Variants in WWC1 observed in about 807,000 individuals in gnomAD.
The protein encoded by WWC1 is WW and C2 domain containing 1, also known as protein KIBRA.
WWC1 carries 55 observed loss-of-function variants against 138.4 expected under a neutral mutation model. That is an observed-to-expected ratio of 0.40 (90% CI 0.32 to 0.50). The LOEUF (loss-of-function observed/expected upper bound fraction) is 0.50. Ranked by LOEUF, WWC1 falls within the 20% of genes least tolerant of loss-of-function variation. The pLI is 0.72. For missense variants in WWC1, 1,226 were observed against 1,420.4 expected (o/e 0.86, Z 2.20); for synonymous variants, 524 against 564.9 (o/e 0.93, Z 1.03).
chr5:168,334,547 C>T (rs1773299637), intron 1 of WWC1, among the ~76,000 whole-genome samples: 1 of 152,020 alleles, frequency 6.6e-6, no homozygotes, highest in Non-Finnish European at 1.5e-5. Context: ...TCAGACCCTC[C>T]CCCCTCCACC....
chr5:168,365,347 T>G (rs1375536999), intron 1 of WWC1, among the ~76,000 whole-genome samples: 9 of 152,194 alleles, frequency 5.9e-5, no homozygotes, highest in Admixed American at 5.2e-4. Context: ...CAGCCAGCCC[T>G]CAGAGAGAGC....
At chr5:168,444,622 T>C in intron 17 of WWC1, 37 bp downstream of exon 17, 1 of 1,606,930 alleles carries the variant, frequency 6.2e-7, no homozygotes, top group Non-Finnish European at 8.5e-7. Flanking sequence ...GGAGCTGCCC[T>C]GCCTGGACCT....
intron 21 of WWC1, among the ~76,000 whole-genome samples, chr5:168,467,533 T>C (rs866566189): frequency 3.3e-5 from 5 of 152,240 alleles, no homozygotes; most frequent in South Asian, 2.1e-4. Context: ...CTGGGTAAAA[T>C]AGAGGTAATA....
chr5:168,460,720 G>A lies in WWC1; in HGVS notation c.2894G>A (p.Arg965Gln). The change falls in exon 20 of 23, where the codon CGA becomes CAA. Residue 965 changes from arginine to glutamine, a missense_variant. Arg to Gln is a conservative substitution (Grantham distance 43). This residue lies in a region of WWC1 where 206 missense variants were observed against 247.4 expected (regional missense o/e 0.83). Coordinates refer to ENST00000265293, the MANE Select transcript of WWC1 (RefSeq NM_015238.3). ...KPPFVRNSLE[R>Q]RSVRMKRPSS... Reference sequence around the variant, plus strand: ...CCTTTTGTTCGAAACTCCCTGGAGCGACGCAGCGTCCGGATGAAGCGGGTA... The same window carrying A: ...CCTTTTGTTCGAAACTCCCTGGAGCAACGCAGCGTCCGGATGAAGCGGGTA... 2 of 1,614,142 alleles carry A rather than the reference G, an allele frequency of 1.2e-6. No individual in the cohort carries two copies. Among genetic ancestry groups the A allele is most frequent in the Non-Finnish European group, 1.7e-6 (2 of 1,180,034 alleles).
chr5:168,440,877 T>C (rs994836374), intron 15 of WWC1, among the ~76,000 whole-genome samples: 9 of 152,154 alleles, frequency 5.9e-5, no homozygotes, highest in African/African-American at 2.2e-4. Flanking sequence ...CTGCTCACAA[T>C]AGTGAAGAGG....
At chr5:168,374,438 T>C (rs1166393090) in intron 2 of WWC1, among the ~76,000 whole-genome samples, 2 of 139,924 alleles carry the variant, frequency 1.4e-5, no homozygotes, top group Non-Finnish European at 3.1e-5. Context: ...GAGCTAAGAC[T>C]TGAAGGAGGT....
intron 15 of WWC1, among the ~76,000 whole-genome samples, chr5:168,432,603 A>G (rs1291152343): frequency 1.3e-5 from 2 of 152,234 alleles, no homozygotes; most frequent in Non-Finnish European, 2.9e-5. Flanking sequence ...AAGGAGCCCA[A>G]GTGTGGGCAT....
At chr5:168,463,443 T>A (rs2152893922) in intron 20 of WWC1, among the ~76,000 whole-genome samples, 1 of 152,240 alleles carries the variant, frequency 6.6e-6, no homozygotes, top group Non-Finnish European at 1.5e-5. Context: ...ACAACATGCT[T>A]TATTTACTTC....
chr5:168,417,389 C>T (rs903293493), intron 9 of WWC1, among the ~76,000 whole-genome samples: 2 of 152,064 alleles, frequency 1.3e-5, no homozygotes, highest in African/African-American at 4.8e-5. Flanking sequence ...CTCTTAGGGA[C>T]CCCTAGGATA....
chr5:168,310,638 C>A (rs1770989236), intron 1 of WWC1, among the ~76,000 whole-genome samples: 2 of 151,884 alleles, frequency 1.3e-5, no homozygotes, highest in South Asian at 4.1e-4. Flanking sequence ...GGTTCAAGAC[C>A]AGCCTGGGCA....
In WWC1 at chr5:168,469,747, C is replaced by T. The variant is rs1757592803; in HGVS notation, c.*730C>T. ...GTTTTATCTCCATCAATAAAGTGGC[C>T]TTTCAAAAAGAATCTTCCTCTTGCT... is the stretch of plus-strand genomic sequence containing the variant. On this transcript the variant is annotated 3_prime_UTR_variant, in exon 23 of 23. Coordinates refer to ENST00000265293, the MANE Select transcript of WWC1 (RefSeq NM_015238.3). The T allele has an allele frequency of 1.3e-5, 2 of 152,136 alleles. No homozygotes were observed. The highest frequency in any genetic ancestry group is 2.9e-5 in the Non-Finnish European group (2 of 68,038). The allele number at this position is 152,136 out of a possible 1,614,324, so 9.4% of individuals were successfully genotyped here.
chr5:168,342,830 C>T (rs1774151494), intron 1 of WWC1, among the ~76,000 whole-genome samples: 1 of 152,006 alleles, frequency 6.6e-6, no homozygotes, highest in African/African-American at 2.4e-5. Context: ...GAGAACAGAC[C>T]CCATACTGTG....
At chr5:168,376,333 C>A (rs1252331916) in intron 2 of WWC1, among the ~76,000 whole-genome samples, 1 of 152,148 alleles carries the variant, frequency 6.6e-6, no homozygotes, top group South Asian at 2.1e-4. Context: ...GGATTACAGG[C>A]GTGAGCTGCT....
intron 1 of WWC1, among the ~76,000 whole-genome samples, chr5:168,308,846 T>C (rs1371255088): frequency 6.6e-6 from 1 of 152,152 alleles, no homozygotes; most frequent in Non-Finnish European, 1.5e-5. Flanking sequence ...ATCAAAACAA[T>C]CTCTTCCTTT....
intron 2 of WWC1, 126 bp from the exon 3 acceptor site, chr5:168,385,085 C>T (rs1358777123): frequency 5.6e-6 from 5 of 888,456 alleles, no homozygotes; most frequent in African/African-American, 1.7e-5. Flanking sequence ...TGAGTTTGCC[C>T]CACTTACATT....
intron 1 of WWC1, among the ~76,000 whole-genome samples, chr5:168,350,292 T>C (rs1289639114): frequency 1.3e-5 from 2 of 152,238 alleles, no homozygotes; most frequent in Non-Finnish European, 2.9e-5. Context: ...AGGTTGACTT[T>C]TACTAGTCCA....
intron 6 of WWC1, among the ~76,000 whole-genome samples, chr5:168,406,612 T>A (rs1779811534): frequency 6.6e-6 from 1 of 152,206 alleles, no homozygotes; most frequent in African/African-American, 2.4e-5. Flanking sequence ...ACTACCTGAC[T>A]TATTTTTTCT....
chr5:168,333,106 G>A (rs1773176050), intron 1 of WWC1, among the ~76,000 whole-genome samples: 1 of 152,200 alleles, frequency 6.6e-6, no homozygotes, highest in Non-Finnish European at 1.5e-5. Context: ...GGCACCCCCG[G>A]TGCCAGGCAG....
chr5:168,422,610 G>T (rs1381048138), intron 10 of WWC1, among the ~76,000 whole-genome samples: 2 of 151,540 alleles, frequency 1.3e-5, no homozygotes, highest in Non-Finnish European at 2.9e-5. Flanking sequence ...GCCAGACCTT[G>T]TCTCCAAAAA....
Sources: gnomAD v4.1 joint callset for allele counts (sites outside exome capture counted in the v4.1 genomes callset) on GRCh38, gnomAD v4.1.1 for gene constraint, gnomAD v4.1.1 regional missense constraint, MANE v1.5 for transcripts, NCBI Gene and HGNC (gene_info 2026-07-23, HGNC 2026-07-21) for gene names.